The following SIPA1L1 variants were observed in gnomAD, a reference collection of about 807,000 sequenced individuals.
SIPA1L1 encodes signal-induced proliferation-associated 1-like protein 1.
A neutral mutation model predicts 162.7 loss-of-function variants in SIPA1L1; 26 were observed. That is an observed-to-expected ratio of 0.16 (90% CI 0.12 to 0.22). The LOEUF (loss-of-function observed/expected upper bound fraction) is 0.22, where lower values mean the gene tolerates loss of function less well. Ranked by LOEUF, SIPA1L1 falls within the 10% of genes least tolerant of loss-of-function variation. The pLI is 1.00. For missense variants in SIPA1L1, 1,874 were observed against 2,241.0 expected (o/e 0.84, Z 3.31); for synonymous variants, 829 against 837.4 (o/e 0.99, Z 0.17).
chr14:71,358,190 G>A (rs2037455895), intron 2 of SIPA1L1, among the ~76,000 whole-genome samples: 1 of 152,178 alleles, frequency 6.6e-6, no homozygotes, highest in South Asian at 2.1e-4. Flanking sequence ...TGTTTCAAAT[G>A]AATAGTGGGA....
rs185734264 is a variant in SIPA1L1 at position 71,346,842 on chromosome 14, T to A, written c.-465+25661T>A. Among the ~76,000 whole-genome samples the A allele has an allele frequency of 4.6e-3, 702 of 152,338 alleles. 4 individuals are homozygous for A. The highest frequency in any genetic ancestry group is 7.1e-3 in the Non-Finnish European group (483 of 68,032). ...AAATAAATTTCATGCACGTTAGTTA[T>A]CACCCTCCTGCCTATCTTTCTATCT... On this transcript the variant is annotated intron_variant, in intron 2 of 23. Coordinates refer to ENST00000381232, the MANE Select transcript of SIPA1L1 (RefSeq NM_001386936.1).
chr14:71,616,810 G>A (rs2038894243), intron 5 of SIPA1L1, among the ~76,000 whole-genome samples: 1 of 152,190 alleles, frequency 6.6e-6, no homozygotes, highest in South Asian at 2.1e-4. Context: ...GAGAGTTGCT[G>A]ACCAGGGAAA....
intron 2 of SIPA1L1, among the ~76,000 whole-genome samples, chr14:71,365,885 C>A (rs1269406238): frequency 8.3e-6 from 1 of 120,624 alleles, no homozygotes; most frequent in Non-Finnish European, 1.7e-5. Context: ...GCCAACATGC[C>A]TGGTTAATTT....
chr14:71,718,417 A>G (rs780516953), intron 17 of SIPA1L1, among the ~76,000 whole-genome samples: 8 of 152,248 alleles, frequency 5.3e-5, no homozygotes, highest in Non-Finnish European at 1.0e-4. Flanking sequence ...CCTGGGAGCT[A>G]GTGTCAGCCC....
intron 2 of SIPA1L1, among the ~76,000 whole-genome samples, chr14:71,507,350 T>C (rs184833981): frequency 1.2e-3 from 183 of 152,354 alleles, no homozygotes; most frequent in African/African-American, 4.2e-3. Flanking sequence ...TTTTGTCATA[T>C]GATAATTCTG....
intron 4 of SIPA1L1, among the ~76,000 whole-genome samples, chr14:71,557,966 A>G (rs182447162): frequency 3.3e-5 from 5 of 152,336 alleles, no homozygotes; most frequent in Admixed American, 2.6e-4. Context: ...TTGGTTTGTG[A>G]TACTTAAATC....
At chr14:71,569,975 AC>A (rs2146950777) in intron 4 of SIPA1L1, among the ~76,000 whole-genome samples, 1 of 152,356 alleles carries the variant, frequency 6.6e-6, no homozygotes, top group South Asian at 2.1e-4. Flanking sequence ...GTCTGTAAGA[AC>A]GGCTATGTTA....
intron 2 of SIPA1L1, among the ~76,000 whole-genome samples, chr14:71,420,957 C>CCTT (rs1161466935): frequency 6.6e-6 from 1 of 152,162 alleles, no homozygotes; most frequent in Non-Finnish European, 1.5e-5. Flanking sequence ...ATCCAAGCAG[C>CCTT]CTTCACACAT....
intron 2 of SIPA1L1, among the ~76,000 whole-genome samples, chr14:71,470,122 C>T (rs1017517511): frequency 3.9e-5 from 6 of 152,158 alleles, no homozygotes; most frequent in Non-Finnish European, 7.4e-5. Flanking sequence ...TGTAAGGTAA[C>T]ATTTCTTCAC....
chr14:71,397,487 A>G (rs566383047), intron 2 of SIPA1L1, among the ~76,000 whole-genome samples: 1 of 137,178 alleles, frequency 7.3e-6, no homozygotes, highest in South Asian at 2.4e-4. Context: ...TCACAATACT[A>G]TTGAAATTTT....
At chr14:71,423,370 C>T (rs2043327533) in intron 2 of SIPA1L1, among the ~76,000 whole-genome samples, 1 of 152,014 alleles carries the variant, frequency 6.6e-6, no homozygotes, top group African/African-American at 2.4e-5. Flanking sequence ...TTATATATGC[C>T]TTTAATGTCA....
chr14:71,657,098 C>G (rs2043123158), intron 8 of SIPA1L1, among the ~76,000 whole-genome samples: 1 of 152,028 alleles, frequency 6.6e-6, no homozygotes, highest in African/African-American at 2.4e-5. Context: ...GCCTGTAATC[C>G]CAGCACTTTG....
At chr14:71,673,427 A>G (rs2044739384) in intron 12 of SIPA1L1, among the ~76,000 whole-genome samples, 1 of 152,202 alleles carries the variant, frequency 6.6e-6, no homozygotes, top group South Asian at 2.1e-4. Context: ...ATTGATTCTT[A>G]GGCTTTCTAA....
intron 9 of SIPA1L1, among the ~76,000 whole-genome samples, chr14:71,658,709 C>T (rs1282382602): frequency 6.6e-6 from 1 of 152,168 alleles, no homozygotes; most frequent in African/African-American, 2.4e-5. Context: ...ATCTGAGGAA[C>T]AAGTTGAAAT....
In SIPA1L1 at chr14:71,588,397, C is replaced by T. The variant is rs755715545; in HGVS notation, c.525C>T (p.Asn175=). 6.2e-7 allele frequency: 1 copy of T among 1,614,092 alleles called. No individual in the cohort carries two copies. The highest frequency in any genetic ancestry group is 1.1e-5 in the South Asian group (1 of 91,086). ...TTCGCAGAATACGCCAGCGAAGCAA[C>T]AGTGATATCACCATAAGTGAACTTG... The part of the protein sequence containing the change: ...KALRRIRQRS[N]SDITISELDV... Residue 175 remains asparagine (N), a synonymous_variant, in exon 5 of 24, where the codon AAC becomes AAT. Transcript: ENST00000381232. The surrounding 1 kb of genome is among the most constrained non-coding windows in gnomAD (Gnocchi z 4.3).
intron 2 of SIPA1L1, among the ~76,000 whole-genome samples, chr14:71,490,860 G>C (rs904486149): frequency 3.3e-5 from 5 of 152,160 alleles, no homozygotes; most frequent in Admixed American, 2.6e-4. Flanking sequence ...ATGACCTTAA[G>C]TTTTAGCTAC....
chr14:71,500,867 A>G (rs971082691), intron 2 of SIPA1L1, among the ~76,000 whole-genome samples: 1 of 152,112 alleles, frequency 6.6e-6, no homozygotes, highest in African/African-American at 2.4e-5. Flanking sequence ...TTAGCTGGGC[A>G]TGGTGGCGCA....
chr14:71,416,668 C>T (rs1357462925), intron 2 of SIPA1L1, among the ~76,000 whole-genome samples: 1 of 151,526 alleles, frequency 6.6e-6, no homozygotes, highest in Non-Finnish European at 1.5e-5. Flanking sequence ...TGCTATTTCT[C>T]TACTTAAGGG....
intron 4 of SIPA1L1, among the ~76,000 whole-genome samples, chr14:71,542,588 TTCC>T (rs1158217752): frequency 2.2e-4 from 30 of 134,512 alleles, no homozygotes; most frequent in South Asian, 5.4e-4. Flanking sequence ...CTCCTTCTTC[TTCC>T]TCCTCCTCCT....
Sources: gnomAD v4.1 joint callset for allele counts (sites outside exome capture counted in the v4.1 genomes callset) on GRCh38, gnomAD v4.1.1 for gene constraint, Gnocchi (gnomAD v3.1) non-coding constraint, MANE v1.5 for transcripts, NCBI Gene and HGNC (gene_info 2026-07-23, HGNC 2026-07-21) for gene names.